RASGRF1: variants seen among roughly 807,000 people sequenced by gnomAD.
RASGRF1 encodes ras-specific guanine nucleotide-releasing factor 1.
A neutral mutation model predicts 138.7 loss-of-function variants in RASGRF1; 40 were observed. The observed-to-expected ratio is 0.29, with a 90% CI of 0.22 to 0.38. The LOEUF (loss-of-function observed/expected upper bound fraction) is 0.38, where lower values mean the gene tolerates loss of function less well. Among genes scored for constraint, RASGRF1 ranks in the 10% least tolerant of loss-of-function variants. The probability of loss-of-function intolerance (pLI) is 1.00; values close to 1 mark genes in which losing one functional copy is unlikely to be tolerated. For missense variants in RASGRF1, 1,108 were observed against 1,650.4 expected (o/e 0.67, Z 5.69); for synonymous variants, 614 against 663.2 (o/e 0.93, Z 1.14).
At chr15:78,975,538 G>A (rs1213037913) in intron 24 of RASGRF1, among the ~76,000 whole-genome samples, 1 of 148,244 alleles carries the variant, frequency 6.7e-6, no homozygotes, top group Non-Finnish European at 1.5e-5. Context: ...TTGAGGCAGG[G>A]TCTCACTCTG....
chr15:78,967,790 C>T (rs927738524), intron 26 of RASGRF1, among the ~76,000 whole-genome samples: 11 of 152,064 alleles, frequency 7.2e-5, no homozygotes, highest in African/African-American at 2.7e-4. Flanking sequence ...AATCCTTTTT[C>T]TGAGGGCTGA....
chr15:79,001,209 T>C (rs11636926), intron 16 of RASGRF1, among the ~76,000 whole-genome samples: 26,970 of 151,864 alleles, frequency 0.18, 2,572 homozygotes, highest in African/African-American at 0.24. Context: ...AAGGGGTCTG[T>C]GCAGAGCCTG....
intron 16 of RASGRF1, 64 bp downstream of exon 16, chr15:79,001,598 A>C (rs768393263): frequency 9.0e-6 from 14 of 1,563,562 alleles, no homozygotes; most frequent in Non-Finnish European, 1.2e-5. Context: ...CCTTGACTCG[A>C]CTTGACCTAC....
chr15:79,010,906 T>C (rs1415858242), intron 13 of RASGRF1, among the ~76,000 whole-genome samples: 1 of 152,178 alleles, frequency 6.6e-6, no homozygotes. Context: ...GGATGCATCA[T>C]GTTAGGGGCT....
chr15:79,084,535 A>G (rs1440108796), intron 1 of RASGRF1, among the ~76,000 whole-genome samples: 2 of 152,218 alleles, frequency 1.3e-5, no homozygotes, highest in Non-Finnish European at 2.9e-5. Flanking sequence ...GGCTCTGGAC[A>G]ACAGGGCCGC....
chr15:79,004,409 C>T (rs1567499482), intron 14 of RASGRF1, among the ~76,000 whole-genome samples: 2 of 152,122 alleles, frequency 1.3e-5, no homozygotes, highest in South Asian at 2.1e-4. Flanking sequence ...TTCTATGCTC[C>T]GCCCCCCCAC....
intron 1 of RASGRF1, among the ~76,000 whole-genome samples, chr15:79,067,959 G>A (rs1374437505): frequency 2.6e-5 from 4 of 152,082 alleles, no homozygotes; most frequent in Non-Finnish European, 4.4e-5. Flanking sequence ...AGGTGAAAGG[G>A]ACTCAGTGAG....
rs115476322 is a variant in RASGRF1 at position 79,051,383 on chromosome 15, G to A, written c.532-1795C>T. Among the ~76,000 whole-genome samples the A allele has an allele frequency of 1.9e-3, 255 of 132,020 alleles. 1 individual carries two copies. Among genetic ancestry groups the A allele is most frequent in the African/African-American group, 7.1e-3 (241 of 33,984 alleles). The allele number at this position is 132,020 out of a possible 152,430, so 86.6% of individuals were successfully genotyped here. A position where few individuals can be genotyped will look rare whatever the true frequency, so the allele number is the denominator to read the frequency against. On this transcript the variant is annotated intron_variant, in intron 3 of 26. Transcript: ENST00000558480. ...TTCTCCCCACCCCCTCCCCCTTTTC[G>A]ATCCTTTGAGAACATTTGCACATTG...
chr15:79,076,286 G>A (rs1481499855), intron 1 of RASGRF1, among the ~76,000 whole-genome samples: 1 of 149,590 alleles, frequency 6.7e-6, no homozygotes, highest in African/African-American at 2.5e-5. Context: ...AAAACAGAGT[G>A]GTGGGTGGGG....
At chr15:79,067,623 T>C (rs1397692447) in intron 1 of RASGRF1, among the ~76,000 whole-genome samples, 1 of 152,224 alleles carries the variant, frequency 6.6e-6, no homozygotes, top group African/African-American at 2.4e-5. Flanking sequence ...ATCTGTTTTA[T>C]GCAACCACAT....
intron 14 of RASGRF1, chr15:79,004,642 C>T: frequency 1.0e-6 from 1 of 987,630 alleles, no homozygotes; most frequent in South Asian, 4.7e-5. Flanking sequence ...ACGCAGGGTC[C>T]TTTCCACCTG....
At position 78,973,883 on chromosome 15, in the gene RASGRF1, C is replaced by A. The variant is rs540148754; in HGVS notation, c.3495-463G>T. On this transcript the variant is annotated intron_variant, in intron 24 of 26. Coordinates refer to ENST00000558480, the MANE Select transcript of RASGRF1 (RefSeq NM_001145648.3). This position sits in a 1 kb window ranked among gnomAD's most constrained non-coding sequence, Gnocchi z 4.9. ...CTCCTGCCAGTCACCCTATCTGACA[C>A]CCTTGTCTCTGCTCCCTGAGACCTC... Among the ~76,000 whole-genome samples, 23 of 152,302 alleles carry A rather than the reference C, an allele frequency of 1.5e-4. No individual in the cohort carries two copies. Among genetic ancestry groups the A allele is most frequent in the African/African-American group, 5.5e-4 (23 of 41,552 alleles).
chr15:79,061,432 C>A (rs373503413), intron 2 of RASGRF1, among the ~76,000 whole-genome samples: 16,190 of 62,960 alleles, frequency 0.26, 1,483 homozygotes, highest in Non-Finnish European at 0.31. Flanking sequence ...ATATATATAT[C>A]ATTCATTTTT....
rs528157959 is a variant in RASGRF1, at chr15:79,027,899, C to T, written c.1263-40G>A. On this transcript the variant is annotated intron_variant, in intron 8 of 26. Transcript: ENST00000558480. This position sits in a 1 kb window ranked among gnomAD's most constrained non-coding sequence, Gnocchi z 4.8. Reference sequence around the variant, plus strand: ...AACTGCACAGTCAGAGACAGGCTGCCCCTACTTCCCAGGGAGGCGAGAATG... The same window carrying T: ...AACTGCACAGTCAGAGACAGGCTGCTCCTACTTCCCAGGGAGGCGAGAATG... The T allele has an allele frequency of 9.4e-5, 151 of 1,601,744 alleles. 1 individual carries two copies. In the South Asian group the frequency reaches 1.6e-3, roughly 17 times the overall value.
intron 20 of RASGRF1, among the ~76,000 whole-genome samples, chr15:78,995,290 CTT>C (rs35098582): frequency 0.45 from 59,334 of 132,278 alleles, 15,268 homozygotes; most frequent in East Asian, 0.73. Flanking sequence ...TTTTTTCTTT[CTT>C]TTTTTTTTTT....
At chr15:79,067,316 G>A (rs1017955545) in intron 1 of RASGRF1, among the ~76,000 whole-genome samples, 1 of 152,186 alleles carries the variant, frequency 6.6e-6, no homozygotes, top group Non-Finnish European at 1.5e-5. Context: ...AGGGGAAACT[G>A]GAGGATCTAC....
At chr15:79,014,409 A>G (rs987641356) in intron 13 of RASGRF1, among the ~76,000 whole-genome samples, 5 of 152,266 alleles carry the variant, frequency 3.3e-5, no homozygotes, top group African/African-American at 4.8e-5. Flanking sequence ...CTACTTGGCC[A>G]TAAAAGGGAA....
chr15:78,978,154 C>T lies in RASGRF1; in HGVS notation c.3494+2466G>A, dbSNP rs2055911873. Among the ~76,000 whole-genome samples the T allele has an allele frequency of 1.3e-5, 2 of 151,690 alleles. 1 individual carries two copies. The highest frequency in any genetic ancestry group is 4.9e-5 in the African/African-American group (2 of 41,194). Reference sequence around the variant, plus strand: ...TCTCGGCTGGGAAATGCAATAAGGCCATTCTCCAGCCTGGATGCTGGCAGA... The same window carrying T: ...TCTCGGCTGGGAAATGCAATAAGGCTATTCTCCAGCCTGGATGCTGGCAGA... On this transcript the variant is annotated intron_variant, in intron 24 of 26. Transcript: ENST00000558480.
At chr15:79,004,235 C>T (rs2056619621) in intron 14 of RASGRF1, 60 bp from the exon 15 acceptor site, 2 of 1,501,044 alleles carry the variant, frequency 1.3e-6, no homozygotes, top group Non-Finnish European at 1.8e-6. Context: ...CCGCCTAGGC[C>T]TGGGGGCCGT....
Sources: gnomAD v4.1 joint callset for allele counts (sites outside exome capture counted in the v4.1 genomes callset) on GRCh38, gnomAD v4.1.1 for gene constraint, Gnocchi (gnomAD v3.1) non-coding constraint, MANE v1.5 for transcripts, NCBI Gene and HGNC (gene_info 2026-07-23, HGNC 2026-07-21) for gene names.